ANKRD36: variants seen among roughly 807,000 people sequenced by gnomAD.
The protein encoded by ANKRD36 is ankyrin repeat domain-containing protein 36A.
In ANKRD36, 179 loss-of-function variants were observed where a neutral mutation model predicts 278.1. That is an observed-to-expected ratio of 0.64 (90% CI 0.57 to 0.73). The LOEUF is 0.73. Ranked by LOEUF, ANKRD36 falls within the 30% of genes least tolerant of loss-of-function variation. The probability of loss-of-function intolerance (pLI) is 0.00; values close to 1 mark genes in which losing one functional copy is unlikely to be tolerated. For missense variants in ANKRD36, 1,159 were observed against 1,956.7 expected (o/e 0.59, Z 7.69); for synonymous variants, 320 against 641.1 (o/e 0.50, Z 7.57).
chr2:97,179,959 T>A, intron 24 of ANKRD36, 26 bp downstream of exon 24: 1 of 1,602,750 alleles, frequency 6.2e-7, no homozygotes, highest in Non-Finnish European at 8.5e-7. Context: ...ACATCTAATG[T>A]CATGTTCAAT....
intron 75 of ANKRD36, among the ~76,000 whole-genome samples, chr2:97,258,932 C>G (rs1458944458): frequency 6.9e-6 from 1 of 144,410 alleles, no homozygotes; most frequent in African/African-American, 2.4e-5. Flanking sequence ...AATTTTTAGT[C>G]ATTATTTCAT....
intron 26 of ANKRD36, among the ~76,000 whole-genome samples, chr2:97,182,226 T>C (rs542436436): frequency 6.7e-6 from 1 of 149,502 alleles, no homozygotes; most frequent in South Asian, 2.1e-4. Context: ...TAGCAATGAC[T>C]TTCCTCAAGG....
At chr2:97,192,117 A>G (rs1337557710) in intron 36 of ANKRD36, among the ~76,000 whole-genome samples, 2 of 151,394 alleles carry the variant, frequency 1.3e-5, no homozygotes, top group Non-Finnish European at 2.9e-5. Flanking sequence ...ATCTAATGCT[A>G]GTAGCAGTTT....
In ANKRD36 at chr2:97,200,491, C is replaced by T; in HGVS notation, c.2823C>T (p.Thr941=). The T allele has an allele frequency of 6.3e-7, 1 of 1,579,164 alleles. No homozygotes were observed. Among genetic ancestry groups the T allele is most frequent in the Non-Finnish European group, 8.6e-7 (1 of 1,168,026 alleles). ...SDEKDSFSNI[T]REKKDGEISR... ...AGAAGGATTCTTTTTCGAATATAAC[C>T]AGAGAAAAAAAGGATGGAGAAATAT... The change falls in exon 46 of 76, where the codon ACC becomes ACT. Residue 941 remains threonine, a synonymous_variant. Transcript: ENST00000420699.
intron 6 of ANKRD36, among the ~76,000 whole-genome samples, chr2:97,134,185 C>T (rs1425940842): frequency 3.9e-5 from 6 of 152,068 alleles, no homozygotes; most frequent in African/African-American, 1.2e-4. Context: ...TATTACAGAA[C>T]ATAATTTCCA....
chr2:97,153,175 G>T (rs1348135392), intron 14 of ANKRD36, among the ~76,000 whole-genome samples: 2 of 152,142 alleles, frequency 1.3e-5, no homozygotes, highest in South Asian at 2.1e-4. Context: ...TATATTAAAA[G>T]GATATTTCTA....
chr2:97,209,969 A>G lies in ANKRD36; in HGVS notation c.3367+97A>G, dbSNP rs2063956212. Reference sequence around the variant, plus strand: ...AGCGGAGGGCTCGTTGAAGCTGCACATTCTGATTCAGCAGTCCTGAGATTC... The same window carrying G: ...AGCGGAGGGCTCGTTGAAGCTGCACGTTCTGATTCAGCAGTCCTGAGATTC... On this transcript the variant is annotated intron_variant, in intron 56 of 75. Transcript: ENST00000420699. The G allele has an allele frequency of 4.1e-6, 6 of 1,462,346 alleles. No homozygotes were observed. The East Asian group carries it at 1.3e-4, about 31-fold the overall frequency. The allele number at this position is 1,462,346 out of a possible 1,614,324, so 90.6% of individuals were successfully genotyped here.
intron 14 of ANKRD36, 35 bp from the exon 15 acceptor site, chr2:97,154,640 C>A: frequency 3.5e-6 from 5 of 1,428,568 alleles, no homozygotes; most frequent in Non-Finnish European, 4.7e-6. Context: ...AAGAAATGAA[C>A]GTGCTCATTT....
At chr2:97,199,967 T>G (rs1257802347) in intron 44 of ANKRD36, among the ~76,000 whole-genome samples, 1 of 151,888 alleles carries the variant, frequency 6.6e-6, no homozygotes, top group Non-Finnish European at 1.5e-5. Context: ...ATGAAAGACA[T>G]GTGGGATCAT....
At position 97,183,315 on chromosome 2, in the gene ANKRD36, C is replaced by T. The variant is rs1295311926; in HGVS notation, c.1838-144C>T. The T allele has an allele frequency of 6.3e-6, 7 of 1,118,318 alleles. 1 individual carries two copies. Among genetic ancestry groups the T allele is most frequent in the South Asian group, 3.6e-5 (2 of 55,546 alleles). 69.3% of individuals were successfully genotyped at this position (1,118,318 alleles called of 1,614,324 possible). ...TCTTCAGTGTATTTCCTCATGTTCC[C>T]GTCCCAAAGACACAAACTGTAAAAC... On this transcript the variant is annotated intron_variant, in intron 26 of 75. Transcript: ENST00000420699.
chr2:97,234,891 A>G (rs1297671453), intron 68 of ANKRD36, among the ~76,000 whole-genome samples: 79 of 131,456 alleles, frequency 6.0e-4, no homozygotes, highest in Non-Finnish European at 1.1e-3. Context: ...TTGAATTTTA[A>G]TAATTCTGTA....
intron 52 of ANKRD36, among the ~76,000 whole-genome samples, chr2:97,206,817 A>G (rs2062984030): frequency 6.6e-6 from 1 of 151,560 alleles, no homozygotes; most frequent in Admixed American, 6.6e-5. Flanking sequence ...CATCAGAGAT[A>G]CATGTTTTGT....
At chr2:97,176,453 C>CT (rs200588771) in intron 22 of ANKRD36, among the ~76,000 whole-genome samples, 3 of 132,206 alleles carry the variant, frequency 2.3e-5, no homozygotes, top group South Asian at 2.4e-4. Flanking sequence ...CAACCCCTGC[C>CT]TTTTTTTTGT....
intron 44 of ANKRD36, among the ~76,000 whole-genome samples, chr2:97,199,135 G>C (rs2060597677): frequency 6.6e-6 from 1 of 151,920 alleles, no homozygotes; most frequent in Admixed American, 6.6e-5. Context: ...AGGAAGGTGT[G>C]AAAAGAGGAA....
At chr2:97,147,673 T>TAGTG (rs2044633496) in intron 11 of ANKRD36, among the ~76,000 whole-genome samples, 1 of 151,944 alleles carries the variant, frequency 6.6e-6, no homozygotes, top group African/African-American at 2.4e-5. Flanking sequence ...GGAGTGGCTC[T>TAGTG]AGTGAACACA....
intron 58 of ANKRD36, chr2:97,212,583 C>T (rs1480983984): frequency 1.3e-5 from 2 of 152,390 alleles, no homozygotes; most frequent in Non-Finnish European, 2.9e-5. Flanking sequence ...TTTTTAGAAA[C>T]AAAAAATATG....
chr2:97,154,604 T>C (rs2046996414), intron 14 of ANKRD36, 71 bp from the exon 15 acceptor site: 1 of 1,306,894 alleles, frequency 7.7e-7, no homozygotes, highest in Non-Finnish European at 1.1e-6. Flanking sequence ...CCTGCATGTA[T>C]AGACTGACGG....
intron 26 of ANKRD36, among the ~76,000 whole-genome samples, chr2:97,183,055 G>A (rs1000507911): frequency 1.3e-5 from 2 of 151,572 alleles, no homozygotes; most frequent in African/African-American, 4.8e-5. Flanking sequence ...GCAGTATAAT[G>A]GTATAAATCC....
chr2:97,211,152 A>C (rs1458646127), intron 56 of ANKRD36, among the ~76,000 whole-genome samples: 5 of 151,964 alleles, frequency 3.3e-5, no homozygotes, highest in Middle Eastern at 3.4e-3. Context: ...AATGGTGTAA[A>C]TCCTTTTGAT....
Sources: gnomAD v4.1 joint callset for allele counts (sites outside exome capture counted in the v4.1 genomes callset) on GRCh38, gnomAD v4.1.1 for gene constraint, MANE v1.5 for transcripts, NCBI Gene and HGNC (gene_info 2026-07-23, HGNC 2026-07-21) for gene names.